C1RL: variants seen among roughly 807,000 people sequenced by gnomAD.
C1RL encodes the protein complement C1r subcomponent-like protein.
A neutral mutation model predicts 27.9 loss-of-function variants in C1RL; 27 were observed. The observed-to-expected ratio is 0.97, with a 90% confidence interval of 0.71 to 1.33. The LOEUF (loss-of-function observed/expected upper bound fraction) is 1.33, where lower values mean the gene tolerates loss of function less well. Ranked by LOEUF, C1RL falls within the 40% of genes most tolerant of loss-of-function variation. The probability of loss-of-function intolerance (pLI) is 0.00; values close to 1 mark genes in which losing one functional copy is unlikely to be tolerated. For missense variants in C1RL, 563 were observed against 623.9 expected, an observed-to-expected ratio of 0.90 and a Z score of 1.04; for synonymous variants, 248 against 252.1, an observed-to-expected ratio of 0.98 and a Z score of 0.15.
chr12:7,095,770 T>C lies in C1RL; in HGVS notation c.*621A>G, dbSNP rs1033747888. On this transcript the variant is annotated 3_prime_UTR_variant, in exon 6 of 6. Coordinates refer to ENST00000266542, the MANE Select transcript of C1RL (RefSeq NM_016546.4). ...GGCAAGTCCCTTTATCCCCTGAGCCTCAGTTTCCTCATTTGTCACACATAG... is the reference window on the plus strand; with the variant it reads ...GGCAAGTCCCTTTATCCCCTGAGCCCCAGTTTCCTCATTTGTCACACATAG... 6 of 755,818 alleles carry C rather than the reference T, an allele frequency of 7.9e-6. No homozygotes were observed. In the African/African-American group the frequency reaches 1.1e-4, roughly 14 times the overall value. The allele number at this position is 755,818 out of a possible 1,614,324, so 46.8% of individuals were successfully genotyped here.
Position 7,097,134 on chromosome 12 carries a change from G to T in C1RL, c.721C>A (p.Gln241Lys). The part of the protein sequence containing the change: ...VCGRPVTPIA[Q>K]NQTTLGSSRA... ...GAAGAACCGAGGGTCGTCTGATTCT[G>T]GGCAATGGGGGTGACTGGCCGTCCG... Residue 241 changes from glutamine (Q) to lysine (K), a missense_variant, in exon 6 of 6, where the codon CAG becomes AAG. Transcript: ENST00000266542. 1 of 1,610,494 alleles carries T rather than the reference G, an allele frequency of 6.2e-7. No individual in the cohort carries two copies. Among genetic ancestry groups the T allele is most frequent in the Non-Finnish European group, 8.5e-7 (1 of 1,177,956 alleles).
chr12:7,096,235 T>C lies in C1RL; in HGVS notation c.*156A>G, dbSNP rs1225749837. 2 of 1,395,944 alleles carry C rather than the reference T, an allele frequency of 1.4e-6. No homozygotes were observed. The highest frequency in any genetic ancestry group is 5.4e-5 in the East Asian group (2 of 37,266). 86.5% of individuals were successfully genotyped at this position (1,395,944 alleles called of 1,614,324 possible). A position where few individuals can be genotyped will look rare whatever the true frequency, so the allele number is the denominator to read the frequency against. The stretch of plus-strand genomic sequence containing the variant: ...GGGCTTGCCGGGTGGGGGTTTCTCT[T>C]GCAGTGGCTTGGTGCAACAGTGATG... On this transcript the variant is annotated 3_prime_UTR_variant, in exon 6 of 6. Coordinates refer to ENST00000266542, the MANE Select transcript of C1RL (RefSeq NM_016546.4).
At position 7,096,495 on chromosome 12, in the gene C1RL, C is replaced by T; in HGVS notation, c.1360G>A (p.Gly454Ser). Residue 454 changes from glycine (G) to serine (S), a missense_variant, in exon 6 of 6, where the codon GGC (glycine) becomes AGC (serine). Physicochemically the swap from Gly to Ser is moderately conservative, Grantham distance 56. Transcript: ENST00000266542. ...CACCCTATGCCCCAGGACACAATGC[C>T]CGTGGCCACCCAGTGATGGGCATGA... Reference protein sequence around the residue: ...DNHAHHWVATGIVSWGIGCGE... With the variant: ...DNHAHHWVATSIVSWGIGCGE... 6.2e-7 allele frequency: 1 copy of T among 1,614,150 alleles called. No homozygotes were observed. Among genetic ancestry groups the T allele is most frequent in the Non-Finnish European group, 8.5e-7 (1 of 1,180,020 alleles).
At chr12:7,108,557 C>A (rs1474032654) in intron 1 of C1RL, 78 bp from the exon 2 acceptor site, 2 of 1,228,592 alleles carry the variant, frequency 1.6e-6, no homozygotes, top group African/African-American at 1.5e-5. Context: ...AGCGGGGGAG[C>A]CGCGCTAGGA....
chr12:7,097,106 C>T lies in C1RL; in HGVS notation c.749G>A (p.Arg250Lys). 6.2e-7 allele frequency: 1 copy of T among 1,613,828 alleles called. No individual in the cohort carries two copies. The highest frequency in any genetic ancestry group is 1.7e-5 in the Admixed American group (1 of 59,972). ...AQNQTTLGSS[R>K]AKLGNFPWQA... The stretch of plus-strand genomic sequence containing the variant: ...CCAGGGGAAGTTGCCCAGCTTGGCT[C>T]TGGAAGAACCGAGGGTCGTCTGATT... The change falls in exon 6 of 6, where the codon AGA (arginine) becomes AAA (lysine). Residue 250 changes from arginine (R) to lysine (K), a missense_variant. By Grantham distance (26) the Arg-to-Lys change is conservative (BLOSUM62 2). Transcript: ENST00000266542.
At chr12:7,108,549 CG>C in intron 1 of C1RL, 70 bp from the exon 2 acceptor site, 1 of 1,298,740 alleles carries the variant, frequency 7.7e-7, no homozygotes. Flanking sequence ...GTGGGAGGAG[CG>C]GGGGAGCCGC....
chr12:7,098,488 G>C (rs1465022503), intron 5 of C1RL: 1 of 152,088 alleles, frequency 6.6e-6, no homozygotes, highest in Non-Finnish European at 1.5e-5. Context: ...ATTTAGAAAC[G>C]TACGTTGATA....
intron 5 of C1RL, among the ~76,000 whole-genome samples, chr12:7,099,041 C>CAAAAAAAAA (rs35402492): frequency 3.3e-4 from 42 of 127,510 alleles, no homozygotes; most frequent in Non-Finnish European, 5.7e-4. Context: ...ACTAAAAATA[C>CAAAAAAAAA]AAAAAAAAAA....
chr12:7,098,972 G>A lies in C1RL; in HGVS notation c.691+714C>T, dbSNP rs1028119754. On this transcript the variant is annotated intron_variant, in intron 5 of 5. Transcript: ENST00000266542. ...GCACTTTGGGAGGCTGAGGCGGGAC[G>A]ATCACCTGAGGTCAGGAGTTCAAGA... Among the ~76,000 whole-genome samples the A allele has an allele frequency of 1.7e-4, 26 of 150,676 alleles. 1 individual carries two copies. The highest frequency in any genetic ancestry group is 1.2e-4 in the Non-Finnish European group (8 of 67,814).
At chr12:7,101,725 GGCTGTCTCTTAATAGGGTT>G in intron 3 of C1RL, 154 bp downstream of exon 3, 1 of 648,848 alleles carries the variant, frequency 1.5e-6, no homozygotes. Context: ...GCTCAGCTAC[GGCTGTCTCTTAATAGGGTT>G]GCTTGCCAGC....
chr12:7,094,580 T>C lies in C1RL; in HGVS notation c.*1811A>G. 1 of 887,160 alleles carries C rather than the reference T, an allele frequency of 1.1e-6. No homozygotes were observed. Among genetic ancestry groups the C allele is most frequent in the Non-Finnish European group, 1.4e-6 (1 of 740,650 alleles). The allele number at this position is 887,160 out of a possible 1,614,324, so 55.0% of individuals were successfully genotyped here. ...ATAGGTATATATATATTTTTTTGCC[T>C]TGGCAGGGAGAAACTCATATCATTT... On this transcript the variant is annotated 3_prime_UTR_variant, in exon 6 of 6. Transcript: ENST00000266542.
intron 2 of C1RL, among the ~76,000 whole-genome samples, chr12:7,103,137 A>C (rs1938671448): frequency 6.6e-6 from 1 of 152,208 alleles, no homozygotes; most frequent in Non-Finnish European, 1.5e-5. Context: ...TTTTGCTTAG[A>C]ATATCAGCAA....
In C1RL at chr12:7,095,138, A is replaced by G; in HGVS notation, c.*1253T>C. The G allele has an allele frequency of 1.6e-6, 2 of 1,218,466 alleles. No homozygotes were observed. Among genetic ancestry groups the G allele is most frequent in the Non-Finnish European group, 2.1e-6 (2 of 959,750 alleles). The allele number at this position is 1,218,466 out of a possible 1,614,324, so 75.5% of individuals were successfully genotyped here. A position where few individuals can be genotyped will look rare whatever the true frequency, so the allele number is the denominator to read the frequency against. On this transcript the variant is annotated 3_prime_UTR_variant, in exon 6 of 6. Transcript: ENST00000266542. Reference sequence around the variant, plus strand: ...CTCCAATCTTTTTTTTTTGGGGGGGATGAAGTCTTGGTCTGTCCGCAGGCT... The same window carrying G: ...CTCCAATCTTTTTTTTTTGGGGGGGGTGAAGTCTTGGTCTGTCCGCAGGCT...
At chr12:7,098,074 T>C (rs963951965) in intron 5 of C1RL, among the ~76,000 whole-genome samples, 6 of 152,008 alleles carry the variant, frequency 3.9e-5, no homozygotes, top group African/African-American at 1.4e-4. Context: ...GAGACCATCC[T>C]GGCTAACCCG....
chr12:7,101,108 TCC>T (rs1565636785), intron 3 of C1RL, among the ~76,000 whole-genome samples: 902 of 16,736 alleles, frequency 0.054, 5 homozygotes, highest in South Asian at 0.098. Context: ...CCTCCTTCCT[TCC>T]CTCCCTCCCT....
intron 5 of C1RL, 162 bp downstream of exon 5, chr12:7,099,524 T>C (rs1938550143): frequency 1.1e-6 from 1 of 946,914 alleles, no homozygotes; most frequent in East Asian, 1.2e-4. Flanking sequence ...ACAAGCTCCC[T>C]GCCTGTTCTT....
chr12:7,101,864 G>A (rs747993870), intron 3 of C1RL, 34 bp downstream of exon 3: 5 of 1,596,202 alleles, frequency 3.1e-6, no homozygotes, highest in Non-Finnish European at 3.4e-6. Context: ...GGGAACAGAG[G>A]CTCCCTCCCT....
chr12:7,102,490 G>T (rs760945325), intron 2 of C1RL, among the ~76,000 whole-genome samples: 1 of 152,194 alleles, frequency 6.6e-6, no homozygotes, highest in Non-Finnish European at 1.5e-5. Context: ...GCACCACAGC[G>T]TTGACTCAAT....
At chr12:7,108,513 G>A (rs1323838475) in intron 1 of C1RL, 34 bp from the exon 2 acceptor site, 2 of 1,518,130 alleles carry the variant, frequency 1.3e-6, no homozygotes, top group Non-Finnish European at 8.9e-7. Context: ...GTGGGGCCGC[G>A]CAGCTATGGC....
Sources: allele counts gnomAD v4.1 joint callset (sites outside exome capture counted in the v4.1 genomes callset), GRCh38; gene constraint gnomAD v4.1.1; transcripts MANE v1.5; gene names NCBI Gene and HGNC (gene_info 2026-07-23, HGNC 2026-07-21).